The following PATJ variants were observed in gnomAD, a reference collection of about 807,000 sequenced individuals.
PATJ encodes inaD-like protein.
PATJ carries 190 observed loss-of-function variants against 224.9 expected under a neutral mutation model. That is an observed-to-expected ratio of 0.84 (90% CI 0.75 to 0.95). The LOEUF (loss-of-function observed/expected upper bound fraction) is 0.95, where lower values mean the gene tolerates loss of function less well. Among genes scored for constraint, PATJ ranks in the 40% least tolerant of loss-of-function variants. The pLI is 0.00. For synonymous variants in PATJ, 769 were observed against 820.3 expected, an observed-to-expected ratio of 0.94 and a Z score of 1.07; for missense variants, 2,121 against 2,270.3, an observed-to-expected ratio of 0.93 and a Z score of 1.34.
At chr1:61,839,135 C>T (rs1330598553) in intron 17 of PATJ, among the ~76,000 whole-genome samples, 1 of 151,970 alleles carries the variant, frequency 6.6e-6, no homozygotes, top group Non-Finnish European at 1.5e-5. Context: ...GCCGCCGACT[C>T]CTCCACCAGG....
intron 39 of PATJ, among the ~76,000 whole-genome samples, chr1:62,125,247 AAAAAAACAAAAAAAAAC>A (rs1269588709): frequency 0.01 from 1,062 of 103,990 alleles, 118 homozygotes; most frequent in African/African-American, 0.034. Context: ...AAAAAAAAAA[AAAAAAACAAAAAAAAAC>A]AAAAAAAAAA....
At chr1:62,038,842 A>T (rs1183467372) in intron 30 of PATJ, 1 of 712,436 alleles carries the variant, frequency 1.4e-6, no homozygotes, top group Non-Finnish European at 2.6e-6. Flanking sequence ...GGTGGGTGGG[A>T]TGGAGGCGAC....
intron 25 of PATJ, among the ~76,000 whole-genome samples, chr1:61,909,104 C>T (rs375142659): frequency 1.3e-5 from 2 of 152,050 alleles, no homozygotes; most frequent in South Asian, 2.1e-4. Flanking sequence ...CTCAGCCTCC[C>T]GAGTAGCTGG....
rs113296847 is a variant in PATJ, at chr1:61,794,148, C to A, written c.1169-1319C>A. 9.2e-3 allele frequency among the ~76,000 whole-genome samples: 1,404 copies of A among 151,936 alleles called. 24 individuals are homozygous for A. The highest frequency in any genetic ancestry group is 0.032 in the African/African-American group (1,305 of 41,420). On this transcript the variant is annotated intron_variant, in intron 9 of 43. Coordinates refer to ENST00000642238, the MANE Select transcript of PATJ (RefSeq NM_001350145.3). ...AACTCCTGACCTCAAGTGATCTGTC[C>A]GCCTCAGCCTCCCAAAGTGCTGGGA...
At chr1:61,797,556 A>G in intron 11 of PATJ, 128 bp downstream of exon 11, 1 of 739,636 alleles carries the variant, frequency 1.4e-6, no homozygotes, top group Non-Finnish European at 2.2e-6. Context: ...CTGATGGAGA[A>G]ATGAGTCAGC....
At chr1:61,949,245 T>G (rs1468730976) in intron 27 of PATJ, among the ~76,000 whole-genome samples, 1 of 151,900 alleles carries the variant, frequency 6.6e-6, no homozygotes, top group East Asian at 1.9e-4. Flanking sequence ...GGAAGCCTGC[T>G]GCAAAACATT....
In PATJ at chr1:61,869,704, C is replaced by T. The variant is rs374857283; in HGVS notation, c.2835+5071C>T. 1.9e-4 allele frequency among the ~76,000 whole-genome samples: 29 copies of T among 152,290 alleles called. No homozygotes were observed. In the East Asian group the frequency reaches 3.7e-3, roughly 19 times the overall value. On this transcript the variant is annotated intron_variant, in intron 20 of 43. Coordinates refer to ENST00000642238, the MANE Select transcript of PATJ (RefSeq NM_001350145.3). ...TGTTTACTCAGCCCACTGCTCTCCT[C>T]GAGGGAGGGAGTGTGTGAGTGAACA...
At chr1:61,904,056 G>A (rs1005062888) in intron 24 of PATJ, among the ~76,000 whole-genome samples, 3 of 152,106 alleles carry the variant, frequency 2.0e-5, no homozygotes, top group Non-Finnish European at 4.4e-5. Context: ...TTATAGGCAT[G>A]AGCCATTGCG....
At chr1:61,914,418 TG>T (rs1381835655) in intron 25 of PATJ, among the ~76,000 whole-genome samples, 168 bp from the exon 26 acceptor site, 1 of 151,990 alleles carries the variant, frequency 6.6e-6, no homozygotes, top group Non-Finnish European at 1.5e-5. Context: ...ATTGTGCCAT[TG>T]CACTCCAGCC....
chr1:61,804,282 T>A (rs565615658), intron 12 of PATJ, among the ~76,000 whole-genome samples: 1 of 152,306 alleles, frequency 6.6e-6, no homozygotes, highest in East Asian at 1.9e-4. Flanking sequence ...CTTTGGTTAG[T>A]TATCACCTAA....
chr1:62,116,294 A>C (rs1026156940), intron 35 of PATJ, among the ~76,000 whole-genome samples: 1 of 152,238 alleles, frequency 6.6e-6, no homozygotes, highest in Non-Finnish European at 1.5e-5. Context: ...TATGTCCATC[A>C]GTAAGCTACT....
intron 20 of PATJ, among the ~76,000 whole-genome samples, chr1:61,871,248 G>A (rs1666331371): frequency 6.8e-6 from 1 of 146,032 alleles, no homozygotes; most frequent in Non-Finnish European, 1.5e-5. Flanking sequence ...TTTCACTCTT[G>A]TTGCTCAGGC....
rs35950461 is a variant in PATJ at position 61,886,819 on chromosome 1, C to CAAAAAAAAAAAAAAAAAAAAAA, written c.3131+2423_3131+2424insAAAAAAAAAAAAAAAAAAAAAA. Reference sequence around the variant, plus strand: ...TGGGCAACAGAGCAAGACCCCATCTCAAAAAAAAAAAATTAGCCTGTTGTG... The same window carrying CAAAAAAAAAAAAAAAAAAAAAA: ...TGGGCAACAGAGCAAGACCCCATCTCAAAAAAAAAAAAAAAAAAAAAAAAAAAAAAAAAATTAGCCTGTTGTG... On this transcript the variant is annotated intron_variant, in intron 22 of 43. Transcript: ENST00000642238. Among the ~76,000 whole-genome samples the CAAAAAAAAAAAAAAAAAAAAAA allele has an allele frequency of 2.2e-3, 195 of 87,456 alleles. 68 individuals are homozygous for CAAAAAAAAAAAAAAAAAAAAAA. Among genetic ancestry groups the CAAAAAAAAAAAAAAAAAAAAAA allele is most frequent in the Non-Finnish European group, 3.7e-3 (137 of 37,346 alleles). 57.4% of individuals were successfully genotyped at this position (87,456 alleles called of 152,430 possible).
At chr1:61,798,994 C>A (rs945322150) in intron 11 of PATJ, among the ~76,000 whole-genome samples, 4 of 152,044 alleles carry the variant, frequency 2.6e-5, no homozygotes, top group Middle Eastern at 3.4e-3. Context: ...TCTGAAGATA[C>A]AATACACCTG....
intron 28 of PATJ, among the ~76,000 whole-genome samples, chr1:62,009,121 A>G (rs1646275071): frequency 6.6e-6 from 1 of 152,204 alleles, no homozygotes; most frequent in African/African-American, 2.4e-5. Flanking sequence ...ATGAGCACTC[A>G]GGTCATGAAA....
In PATJ at chr1:61,969,020, T is replaced by C. The variant is rs115974867; in HGVS notation, c.3671-21148T>C. Among the ~76,000 whole-genome samples, 772 of 152,342 alleles carry C rather than the reference T, an allele frequency of 5.1e-3. 4 individuals are homozygous for C. Among genetic ancestry groups the C allele is most frequent in the African/African-American group, 0.018 (733 of 41,586 alleles). ...TGCCTTATTTCACATAGCATAATTTTCTCAAAGTTCATTCATGTTGTAGTA... is the reference window on the plus strand; with the variant it reads ...TGCCTTATTTCACATAGCATAATTTCCTCAAAGTTCATTCATGTTGTAGTA... On this transcript the variant is annotated intron_variant, in intron 27 of 43. Transcript: ENST00000642238.
At chr1:62,073,415 G>A (rs1347870701) in intron 31 of PATJ, 1 of 673,218 alleles carries the variant, frequency 1.5e-6, no homozygotes, top group Non-Finnish European at 1.8e-6. Flanking sequence ...TTGAGGTCAG[G>A]AGTTCCAGAC....
chr1:62,094,778 A>C (rs1445241237), intron 33 of PATJ, among the ~76,000 whole-genome samples: 1 of 152,078 alleles, frequency 6.6e-6, no homozygotes, highest in Non-Finnish European at 1.5e-5. Context: ...ATTATGATCC[A>C]TTTTCTTCCT....
intron 27 of PATJ, chr1:61,952,428 C>G (rs567237003): frequency 1.4e-6 from 1 of 717,312 alleles, no homozygotes; most frequent in African/African-American, 1.7e-5. Context: ...TTTCTGTTGC[C>G]TGTGTGATCT....
Sources: allele counts gnomAD v4.1 joint callset (sites outside exome capture counted in the v4.1 genomes callset), GRCh38; gene constraint gnomAD v4.1.1; transcripts MANE v1.5; gene names NCBI Gene and HGNC (gene_info 2026-07-23, HGNC 2026-07-21).